Variants in ANK3 observed in about 807,000 individuals in gnomAD.
The protein encoded by ANK3 is ankyrin-3.
ANK3 carries 57 observed loss-of-function variants against 370.9 expected under a neutral mutation model. The ratio of observed to expected loss-of-function variants is 0.15; its 90% CI spans 0.12 to 0.19. ANK3 has a LOEUF of 0.19. ANK3 is among the 10% of genes least tolerant of loss of function. The pLI is 1.00. For synonymous variants in ANK3, 1,929 were observed against 1,946.3 expected (o/e 0.99, Z 0.23); for missense variants, 4,439 against 5,302.1 (o/e 0.84, Z 5.06).
intron 2 of ANK3, among the ~76,000 whole-genome samples, chr10:60,539,788 AC>A (rs2076805722): frequency 6.6e-6 from 1 of 151,902 alleles, no homozygotes; most frequent in Non-Finnish European, 1.5e-5. Flanking sequence ...CTGGGTCTTC[AC>A]CCACCATGTA....
chr10:60,477,946 A>T (rs546019055), intron 2 of ANK3, among the ~76,000 whole-genome samples: 24 of 152,250 alleles, frequency 1.6e-4, no homozygotes, highest in African/African-American at 5.5e-4. Context: ...GATAATATGA[A>T]GTCAGGTGAC....
At chr10:60,603,807 C>T (rs746368235) in intron 2 of ANK3, among the ~76,000 whole-genome samples, 1 of 152,086 alleles carries the variant, frequency 6.6e-6, no homozygotes, top group Admixed American at 6.6e-5. Context: ...GGACACTGGA[C>T]AAGAGCTGTC....
At chr10:60,454,779 C>T (rs1035804241) in intron 2 of ANK3, among the ~76,000 whole-genome samples, 5 of 152,078 alleles carry the variant, frequency 3.3e-5, no homozygotes, top group South Asian at 2.1e-4. Flanking sequence ...GGGCTTGAAG[C>T]GCTAATTGAA....
chr10:60,531,633 T>C (rs2076608662), intron 2 of ANK3, among the ~76,000 whole-genome samples: 2 of 152,166 alleles, frequency 1.3e-5, no homozygotes, highest in South Asian at 4.1e-4. Flanking sequence ...AACTTTTATG[T>C]GAATATATCA....
rs1266140276 is a variant in ANK3, at chr10:60,692,033, T to C, written c.57+41230A>G. Among the ~76,000 whole-genome samples, 4 of 152,310 alleles carry C rather than the reference T, an allele frequency of 2.6e-5. No individual in the cohort carries two copies. The East Asian group carries it at 7.7e-4, about 29-fold the overall frequency. Reference sequence around the variant, plus strand: ...TAGCCCTCTATTTCTCATCACTAGCTAAATTCAAGCCATCATCAAGTAGAC... The same window carrying C: ...TAGCCCTCTATTTCTCATCACTAGCCAAATTCAAGCCATCATCAAGTAGAC... On this transcript the variant is annotated intron_variant, in intron 1 of 43. Coordinates refer to the ANK3 transcript ENST00000373827.
chr10:60,380,229 T>C (rs949949508), intron 1 of ANK3, among the ~76,000 whole-genome samples: 1 of 152,192 alleles, frequency 6.6e-6, no homozygotes, highest in African/African-American at 2.4e-5. Flanking sequence ...TCCCGTTCTG[T>C]AATGTTCTTT....
intron 1 of ANK3, among the ~76,000 whole-genome samples, chr10:60,675,291 G>A (rs1026053169): frequency 2.6e-5 from 4 of 152,116 alleles, no homozygotes; most frequent in Non-Finnish European, 5.9e-5. Context: ...TAAGGATCTA[G>A]GCTACCTCCC....
At chr10:60,121,822 A>C (rs1297521115) in intron 25 of ANK3, among the ~76,000 whole-genome samples, 1 of 152,236 alleles carries the variant, frequency 6.6e-6, no homozygotes, top group Non-Finnish European at 1.5e-5. Flanking sequence ...CACAAAGGAC[A>C]AATGCTTGAG....
At chr10:60,638,661 C>A (rs1266596417) in intron 1 of ANK3, among the ~76,000 whole-genome samples, 2 of 151,558 alleles carry the variant, frequency 1.3e-5, no homozygotes, top group Non-Finnish European at 2.9e-5. Flanking sequence ...AAAATACAAC[C>A]ATAATAAAGA....
chr10:60,380,624 G>T (rs886957695), intron 1 of ANK3, among the ~76,000 whole-genome samples: 2 of 152,106 alleles, frequency 1.3e-5, no homozygotes, highest in African/African-American at 4.8e-5. Context: ...GTCCCTCAAT[G>T]AATTATAGCC....
At chr10:60,513,154 AATTC>A (rs1393578569) in intron 2 of ANK3, among the ~76,000 whole-genome samples, 3 of 152,138 alleles carry the variant, frequency 2.0e-5, no homozygotes, top group African/African-American at 7.2e-5. Context: ...TGAGGAGAGG[AATTC>A]ATTCATCTTT....
At chr10:60,136,499 G>GT (rs11413025) in intron 24 of ANK3, among the ~76,000 whole-genome samples, 148,614 of 152,274 alleles carry the variant, frequency 0.98, 72,595 homozygotes, top group Non-Finnish European at 1. Flanking sequence ...GTTAACATTG[G>GT]GGTGTATGAA....
chr10:60,234,155 C>A (rs2097293561), intron 8 of ANK3, among the ~76,000 whole-genome samples: 1 of 152,168 alleles, frequency 6.6e-6, no homozygotes, highest in Non-Finnish European at 1.5e-5. Context: ...AACATTTGGG[C>A]TGCTTTTACC....
chr10:60,157,434 A>G (rs1052699134), intron 23 of ANK3, among the ~76,000 whole-genome samples: 1 of 150,760 alleles, frequency 6.6e-6, no homozygotes, highest in Non-Finnish European at 1.5e-5. Flanking sequence ...TTCTGGGCCC[A>G]GGTGTTTATA....
chr10:60,050,252 T>G (rs1400326152), intron 42 of ANK3, among the ~76,000 whole-genome samples: 1 of 152,212 alleles, frequency 6.6e-6, no homozygotes, highest in Non-Finnish European at 1.5e-5. Context: ...ATACATGGAA[T>G]TTTCAAAGAA....
intron 1 of ANK3, among the ~76,000 whole-genome samples, chr10:60,715,721 G>A (rs2079777049): frequency 6.6e-6 from 1 of 152,000 alleles, no homozygotes; most frequent in African/African-American, 2.4e-5. Flanking sequence ...TAAATGGTAG[G>A]TTTTGCATAT....
At chr10:60,422,204 C>A (rs919092228) in intron 2 of ANK3, among the ~76,000 whole-genome samples, 2 of 151,982 alleles carry the variant, frequency 1.3e-5, no homozygotes, top group African/African-American at 2.4e-5. Flanking sequence ...CATTAATTAT[C>A]CTTGGCTAAG....
At chr10:60,625,602 A>G (rs1003627927) in intron 1 of ANK3, among the ~76,000 whole-genome samples, 7 of 152,148 alleles carry the variant, frequency 4.6e-5, no homozygotes, top group Non-Finnish European at 7.4e-5. Context: ...AATGTACTCA[A>G]TTACATCTCT....
intron 1 of ANK3, among the ~76,000 whole-genome samples, chr10:60,625,582 C>G (rs545235013): frequency 1.1e-4 from 17 of 152,222 alleles, no homozygotes; most frequent in Middle Eastern, 6.8e-3. Context: ...TGTTAAGGAG[C>G]CACTAGGCTA....
Sources: gnomAD v4.1 joint callset for allele counts (sites outside exome capture counted in the v4.1 genomes callset) on GRCh38, gnomAD v4.1.1 for gene constraint, MANE v1.5 for transcripts, NCBI Gene and HGNC (gene_info 2026-07-23, HGNC 2026-07-21) for gene names.